The following SLC25A33 variants were observed in gnomAD, a reference collection of about 807,000 sequenced individuals.
SLC25A33 encodes bone marrow stromal cell mitochondrial carrier protein.
Under a neutral mutation model 35.5 loss-of-function variants are expected in SLC25A33, and 15 were observed. That is an observed-to-expected ratio of 0.42 (90% CI 0.28 to 0.65). The LOEUF (loss-of-function observed/expected upper bound fraction) is 0.65. Ranked by LOEUF, SLC25A33 falls within the 30% of genes least tolerant of loss-of-function variation. The pLI is 0.20. For synonymous variants in SLC25A33, 136 were observed against 148.7 expected (o/e 0.91, Z 0.62); for missense variants, 257 against 398.5 (o/e 0.64, Z 3.02).
intron 1 of SLC25A33, among the ~76,000 whole-genome samples, chr1:9,548,504 C>T (rs1267360971): frequency 6.6e-6 from 1 of 152,136 alleles, no homozygotes; most frequent in Non-Finnish European, 1.5e-5. Context: ...ATCACTTGAA[C>T]CTGGGAGGCA....
chr1:9,576,008 C>G (rs1207113621), intron 5 of SLC25A33, among the ~76,000 whole-genome samples: 1 of 152,170 alleles, frequency 6.6e-6, no homozygotes, highest in Non-Finnish European at 1.5e-5. Flanking sequence ...CCTCCTAATT[C>G]CAAGTGTCCC....
At chr1:9,559,499 T>G (rs375535613) in intron 2 of SLC25A33, among the ~76,000 whole-genome samples, 55 of 152,028 alleles carry the variant, frequency 3.6e-4, no homozygotes, top group African/African-American at 1.3e-3. Flanking sequence ...AAGGTTTTGT[T>G]TTTTTTTAAC....
chr1:9,579,707 C>T (rs984822729), intron 5 of SLC25A33, among the ~76,000 whole-genome samples: 2 of 152,098 alleles, frequency 1.3e-5, no homozygotes, highest in Non-Finnish European at 2.9e-5. Context: ...TGGAGTAAGA[C>T]CAACAAGGTA....
intron 1 of SLC25A33, among the ~76,000 whole-genome samples, chr1:9,552,343 G>A (rs1318300311): frequency 1.3e-5 from 2 of 151,930 alleles, no homozygotes; most frequent in Non-Finnish European, 2.9e-5. Flanking sequence ...AGCCTCCCCA[G>A]TAGCTGGAAT....
At chr1:9,579,548 G>T (rs139727612) in intron 5 of SLC25A33, among the ~76,000 whole-genome samples, 7 of 152,154 alleles carry the variant, frequency 4.6e-5, no homozygotes, top group Non-Finnish European at 1.0e-4. Context: ...AGTAAGGGGC[G>T]TGGAGCTTTC....
chr1:9,541,723 A>G (rs1386757130), intron 1 of SLC25A33, among the ~76,000 whole-genome samples: 1 of 149,568 alleles, frequency 6.7e-6, no homozygotes, highest in East Asian at 2.0e-4. Flanking sequence ...TTAAGCCAAG[A>G]AGGATCATTT....
chr1:9,569,872 C>G (rs1643564021), intron 3 of SLC25A33, among the ~76,000 whole-genome samples: 1 of 151,976 alleles, frequency 6.6e-6, no homozygotes, highest in African/African-American at 2.4e-5. Flanking sequence ...GTTTGACATT[C>G]TCATTTTGGC....
At chr1:9,551,041 T>A (rs1181593062) in intron 1 of SLC25A33, among the ~76,000 whole-genome samples, 1 of 152,132 alleles carries the variant, frequency 6.6e-6, no homozygotes, top group Non-Finnish European at 1.5e-5. Context: ...TTCTAGTGCT[T>A]GGAGCAAATT....
intron 2 of SLC25A33, among the ~76,000 whole-genome samples, chr1:9,558,285 G>A (rs1643374184): frequency 1.3e-5 from 2 of 152,340 alleles, no homozygotes; most frequent in African/African-American, 2.4e-5. Flanking sequence ...TCCTAGGACT[G>A]CACCCTTCTG....
intron 5 of SLC25A33, among the ~76,000 whole-genome samples, chr1:9,577,212 C>G (rs559569520): frequency 6.6e-6 from 1 of 152,232 alleles, no homozygotes; most frequent in South Asian, 2.1e-4. Flanking sequence ...AATCCCAGTA[C>G]TTTGGGAGGC....
In SLC25A33 at chr1:9,584,623, T is replaced by G. The variant is rs753965192; in HGVS notation, c.*2122T>G. 1.3e-5 allele frequency: 2 copies of G among 152,308 alleles called. No individual in the cohort carries two copies. Among genetic ancestry groups the G allele is most frequent in the Non-Finnish European group, 2.9e-5 (2 of 68,118 alleles). The allele number at this position is 152,308 out of a possible 1,614,324, so 9.4% of individuals were successfully genotyped here. A position where few individuals can be genotyped will look rare whatever the true frequency, so the allele number is the denominator to read the frequency against. On this transcript the variant is annotated 3_prime_UTR_variant, in exon 7 of 7. Transcript: ENST00000302692. ...CATGTTGGCCAGGCTGGTCTCAAAC[T>G]CTTGACCTCAGGTGATCTACCCGCC...
intron 2 of SLC25A33, among the ~76,000 whole-genome samples, chr1:9,566,078 C>T (rs760038786): frequency 6.6e-6 from 1 of 151,852 alleles, no homozygotes; most frequent in East Asian, 1.9e-4. Context: ...CTCTTTCTGT[C>T]GCTAAAGCTG....
intron 1 of SLC25A33, among the ~76,000 whole-genome samples, chr1:9,543,436 G>GC (rs1270685457): frequency 2.0e-5 from 3 of 152,190 alleles, no homozygotes; most frequent in African/African-American, 7.2e-5. Flanking sequence ...GAGCCACTGG[G>GC]CCCAGTCCTG....
intron 3 of SLC25A33, 41 bp from the exon 4 acceptor site, chr1:9,570,217 A>T: frequency 6.4e-7 from 1 of 1,551,564 alleles, no homozygotes; most frequent in Non-Finnish European, 8.8e-7. Context: ...ATAAAGTTGC[A>T]CTGTGATGAT....
chr1:9,570,682 T>G (rs1455095762), intron 4 of SLC25A33, among the ~76,000 whole-genome samples: 1 of 146,708 alleles, frequency 6.8e-6, no homozygotes, highest in African/African-American at 2.6e-5. Context: ...TAGATAGATA[T>G]AGATAGATAG....
At position 9,567,764 on chromosome 1, in the gene SLC25A33, G is replaced by A. The variant is rs532299548; in HGVS notation, c.314+403G>A. 3.9e-5 allele frequency among the ~76,000 whole-genome samples: 6 copies of A among 152,308 alleles called. No homozygotes were observed. The South Asian group carries it at 6.2e-4, about 16-fold the overall frequency. On this transcript the variant is annotated intron_variant, in intron 3 of 6. Transcript: ENST00000302692. ...CCCCCAGGTGACTCCAACGCAGTTA[G>A]AAACACTGATCCAGAGGAATTGTAA...
chr1:9,582,673 A>G lies in SLC25A33; in HGVS notation c.*172A>G. ...GATTCATGCTTTCTGGAAGGTTTAAATTCATTAACGTTAATAGTTAATTAT... is the reference window on the plus strand; with the variant it reads ...GATTCATGCTTTCTGGAAGGTTTAAGTTCATTAACGTTAATAGTTAATTAT... On this transcript the variant is annotated 3_prime_UTR_variant, in exon 7 of 7. Coordinates refer to ENST00000302692, the MANE Select transcript of SLC25A33 (RefSeq NM_032315.3). This position sits in a 1 kb window ranked among gnomAD's most constrained non-coding sequence, Gnocchi z 4.0. 1 of 659,508 alleles carries G rather than the reference A, an allele frequency of 1.5e-6. No individual in the cohort carries two copies. The allele number at this position is 659,508 out of a possible 1,614,324, so 40.9% of individuals were successfully genotyped here. A position where few individuals can be genotyped will look rare whatever the true frequency, so the allele number is the denominator to read the frequency against.
At chr1:9,581,407 A>G (rs1260351086) in intron 6 of SLC25A33, among the ~76,000 whole-genome samples, 1 of 152,210 alleles carries the variant, frequency 6.6e-6, no homozygotes, top group Non-Finnish European at 1.5e-5. Flanking sequence ...AAAACCATGA[A>G]TTATTTTAAC....
intron 6 of SLC25A33, among the ~76,000 whole-genome samples, chr1:9,580,685 G>A (rs186744928): frequency 1.3e-4 from 20 of 151,820 alleles, no homozygotes; most frequent in African/African-American, 2.2e-4. Flanking sequence ...GTGAAACCCC[G>A]TCTCTACTAA....
Sources: allele counts gnomAD v4.1 joint callset (sites outside exome capture counted in the v4.1 genomes callset), GRCh38; gene constraint gnomAD v4.1.1; non-coding constraint Gnocchi (gnomAD v3.1); transcripts MANE v1.5; gene names NCBI Gene and HGNC (gene_info 2026-07-23, HGNC 2026-07-21).